GTF2IRD1: variants seen among roughly 807,000 people sequenced by gnomAD.
GTF2IRD1 encodes general transcription factor II-I repeat domain-containing protein 1.
A neutral mutation model predicts 113.2 loss-of-function variants in GTF2IRD1; 26 were observed. That is an observed-to-expected ratio of 0.23 (90% CI 0.17 to 0.32). GTF2IRD1 has a LOEUF of 0.32. Ranked by LOEUF, GTF2IRD1 falls within the 10% of genes least tolerant of loss-of-function variation. The pLI, the probability that GTF2IRD1 is intolerant of heterozygous loss-of-function variation, is 1.00. For missense variants in GTF2IRD1, 864 were observed against 1,280.8 expected, an observed-to-expected ratio of 0.67 and a Z score of 4.97; for synonymous variants, 484 against 529.1, an observed-to-expected ratio of 0.91 and a Z score of 1.17.
At chr7:74,460,666 T>G (rs545509635) in intron 1 of GTF2IRD1, among the ~76,000 whole-genome samples, 1 of 152,216 alleles carries the variant, frequency 6.6e-6, no homozygotes, top group East Asian at 1.9e-4. Context: ...TGGGAAGTCC[T>G]TGTCTTCAGG....
At chr7:74,543,872 C>CAAAAAAAAAAA (rs782039486) in intron 14 of GTF2IRD1, among the ~76,000 whole-genome samples, 1 of 34,586 alleles carries the variant, frequency 2.9e-5, no homozygotes. Context: ...CCCATCTCTA[C>CAAAAAAAAAAA]AAAAAAAAAA....
chr7:74,557,306 G>GC (rs1326891640), intron 19 of GTF2IRD1, among the ~76,000 whole-genome samples: 24 of 152,216 alleles, frequency 1.6e-4, no homozygotes, highest in African/African-American at 5.5e-4. Context: ...ACTTCATGAA[G>GC]CCCCCGCCCC....
intron 1 of GTF2IRD1, among the ~76,000 whole-genome samples, chr7:74,469,199 G>A (rs971313838): frequency 5.9e-5 from 9 of 152,060 alleles, no homozygotes; most frequent in African/African-American, 1.9e-4. Context: ...GGGTAGGAGC[G>A]TGGTGATGCT....
At chr7:74,559,092 G>A (rs1554358240) in intron 21 of GTF2IRD1, 48 bp downstream of exon 21, 10 of 1,520,266 alleles carry the variant, frequency 6.6e-6, no homozygotes, top group East Asian at 2.3e-5. Context: ...TAGCTCAGAT[G>A]GGAGCTTGCA....
chr7:74,491,510 G>A (rs574856797), intron 1 of GTF2IRD1, among the ~76,000 whole-genome samples: 4 of 137,268 alleles, frequency 2.9e-5, no homozygotes, highest in Non-Finnish European at 4.8e-5. Context: ...CCCAGTGTGT[G>A]TTGCCCCCCT....
At chr7:74,500,016 C>A (rs1188780888) in intron 1 of GTF2IRD1, among the ~76,000 whole-genome samples, 1 of 152,210 alleles carries the variant, frequency 6.6e-6, no homozygotes, top group African/African-American at 2.4e-5. Context: ...GTGAATGAAC[C>A]TGCCACTTGT....
In GTF2IRD1 at chr7:74,485,783, G is replaced by A. The variant is rs139902154; in HGVS notation, c.-6-22292G>A. On this transcript the variant is annotated intron_variant, in intron 1 of 26. Transcript: ENST00000424337. Reference sequence around the variant, plus strand: ...CTAAAAATTTTTTAAAAAATTAGCCGGGTATGGTGGCGCAATCATGTAGTC... The same window carrying A: ...CTAAAAATTTTTTAAAAAATTAGCCAGGTATGGTGGCGCAATCATGTAGTC... 4.1e-3 allele frequency among the ~76,000 whole-genome samples: 630 copies of A among 152,030 alleles called. 2 individuals are homozygous for A. Among genetic ancestry groups the A allele is most frequent in the Non-Finnish European group, 6.4e-3 (434 of 67,990 alleles).
intron 22 of GTF2IRD1, among the ~76,000 whole-genome samples, chr7:74,578,257 C>T (rs1554365097): frequency 2.0e-5 from 3 of 152,222 alleles, no homozygotes; most frequent in African/African-American, 7.2e-5. Context: ...TCTTGGCTCA[C>T]TGCAACCTCC....
chr7:74,570,195 C>A (rs1746675077), intron 22 of GTF2IRD1, among the ~76,000 whole-genome samples: 1 of 151,868 alleles, frequency 6.6e-6, no homozygotes, highest in Non-Finnish European at 1.5e-5. Flanking sequence ...GACCCTGTCT[C>A]CACCAAAAAA....
At chr7:74,542,254 C>T (rs1168368376) in intron 14 of GTF2IRD1, among the ~76,000 whole-genome samples, 1 of 152,090 alleles carries the variant, frequency 6.6e-6, no homozygotes, top group Non-Finnish European at 1.5e-5. Context: ...AAAAAATTAG[C>T]TGGGCATGGT....
intron 2 of GTF2IRD1, among the ~76,000 whole-genome samples, chr7:74,509,344 G>T (rs1206276536): frequency 1.3e-5 from 2 of 150,504 alleles, no homozygotes; most frequent in Non-Finnish European, 3.0e-5. Flanking sequence ...GCAACAGAGG[G>T]GGACTCCGTC....
In GTF2IRD1 at chr7:74,555,131, T is replaced by C; in HGVS notation, c.1917-43T>C. 1 of 1,596,052 alleles carries C rather than the reference T, an allele frequency of 6.3e-7. No homozygotes were observed. Among genetic ancestry groups the C allele is most frequent in the South Asian group, 1.1e-5 (1 of 89,702 alleles). On this transcript the variant is annotated intron_variant, in intron 17 of 26. Transcript: ENST00000424337. The surrounding 1 kb of genome is among the most constrained non-coding windows in gnomAD (Gnocchi z 5.3). ...GAGGAGGGCTGAGCAGTCCCAGAGA[T>C]GCTTGGAGGGACCTCTGTGATAGCC...
chr7:74,575,031 A>C (rs1199045101), intron 22 of GTF2IRD1, among the ~76,000 whole-genome samples: 1 of 152,116 alleles, frequency 6.6e-6, no homozygotes, highest in South Asian at 2.1e-4. Context: ...TGGAAGTTGC[A>C]GTGAGCCGAG....
intron 1 of GTF2IRD1, among the ~76,000 whole-genome samples, chr7:74,497,833 T>C (rs1054884180): frequency 6.6e-6 from 1 of 152,178 alleles, no homozygotes; most frequent in Non-Finnish European, 1.5e-5. Context: ...GCCTCCCAAG[T>C]AGCTGGGATT....
At chr7:74,573,446 C>T (rs1800814024) in intron 22 of GTF2IRD1, among the ~76,000 whole-genome samples, 1 of 151,836 alleles carries the variant, frequency 6.6e-6, no homozygotes, top group Admixed American at 6.6e-5. Flanking sequence ...CAGGGGCTTT[C>T]CGGACCCGAA....
rs782680441 is a variant in GTF2IRD1 at position 74,496,554 on chromosome 7, TGGG to T, written c.-6-11517_-6-11515del. ...GCATGTATGTGTGGGTGTGTGCGTT[TGGG>T]GGGTGTACATGTGTGGGTGTGCATG... On this transcript the variant is annotated intron_variant, in intron 1 of 26. Transcript: ENST00000424337. Among the ~76,000 whole-genome samples, 5 of 113,118 alleles carry T rather than the reference TGGG, an allele frequency of 4.4e-5. No homozygotes were observed. In the East Asian group the frequency reaches 9.3e-4, roughly 21 times the overall value. The allele number at this position is 113,118 out of a possible 152,430, so 74.2% of individuals were successfully genotyped here. A position where few individuals can be genotyped will look rare whatever the true frequency, so the allele number is the denominator to read the frequency against.
At chr7:74,578,986 C>CAA (rs782815032) in intron 22 of GTF2IRD1, among the ~76,000 whole-genome samples, 11 of 93,586 alleles carry the variant, frequency 1.2e-4, no homozygotes, top group South Asian at 3.2e-4. Flanking sequence ...GATCCTGTCT[C>CAA]AAAAAAAAAA....
At chr7:74,577,360 A>G (rs1554364865) in intron 22 of GTF2IRD1, among the ~76,000 whole-genome samples, 1 of 152,030 alleles carries the variant, frequency 6.6e-6, no homozygotes, top group African/African-American at 2.4e-5. Context: ...TTCTTAGCAT[A>G]TTGCCAATTT....
At chr7:74,523,077 G>A (rs1554346359) in intron 7 of GTF2IRD1, among the ~76,000 whole-genome samples, 1 of 152,186 alleles carries the variant, frequency 6.6e-6, no homozygotes, top group Non-Finnish European at 1.5e-5. Flanking sequence ...CCCTTAGCCA[G>A]ACATGGTGGT....
Sources: allele counts gnomAD v4.1 joint callset (sites outside exome capture counted in the v4.1 genomes callset), GRCh38; gene constraint gnomAD v4.1.1; non-coding constraint Gnocchi (gnomAD v3.1); transcripts MANE v1.5; gene names NCBI Gene and HGNC (gene_info 2026-07-23, HGNC 2026-07-21).